The following SHISA9 variants were observed in gnomAD, a reference collection of about 807,000 sequenced individuals.
The protein encoded by SHISA9 is shisa family member 9.
In SHISA9, 13 loss-of-function variants were observed where a neutral mutation model predicts 38.0. The ratio of observed to expected loss-of-function variants is 0.34; its 90% CI spans 0.22 to 0.54. The LOEUF is 0.54. Ranked by LOEUF, SHISA9 falls within the 20% of genes least tolerant of loss-of-function variation. The pLI is 0.91. For synonymous variants in SHISA9, 275 were observed against 242.0 expected, an observed-to-expected ratio of 1.14 and a Z score of -1.27; for missense variants, 538 against 575.8, an observed-to-expected ratio of 0.93 and a Z score of 0.67.
At chr16:13,268,451 G>T in the SHISA9 span, among the ~76,000 whole-genome samples, 1 of 152,174 alleles carries the variant, frequency 6.6e-6, no homozygotes, top group South Asian at 2.1e-4. Flanking sequence ...AGAGGTTGCA[G>T]TGGGCCAAGA....
At chr16:13,248,591 T>C in the SHISA9 span, among the ~76,000 whole-genome samples, 1 of 152,176 alleles carries the variant, frequency 6.6e-6, no homozygotes, top group African/African-American at 2.4e-5. Context: ...ATACCAACCT[T>C]GTCGTGTTGT....
At chr16:13,253,217 C>G in the SHISA9 span, among the ~76,000 whole-genome samples, 4 of 152,234 alleles carry the variant, frequency 2.6e-5, no homozygotes, top group South Asian at 8.3e-4. Flanking sequence ...TAGGCTACTA[C>G]TAGTTAAATT....
At chr16:13,024,241 C>T (rs370895917) in intron 2 of SHISA9, among the ~76,000 whole-genome samples, 2 of 152,340 alleles carry the variant, frequency 1.3e-5, no homozygotes, top group South Asian at 2.1e-4. Context: ...GAAGCATTTG[C>T]ATGGCCTCTT....
chr16:13,481,756 AC>A, the SHISA9 span, among the ~76,000 whole-genome samples: 1 of 152,244 alleles, frequency 6.6e-6, no homozygotes, highest in African/African-American at 2.4e-5. Context: ...GGTCATTGCC[AC>A]AGTGATGAGG....
chr16:13,469,100 G>A, the SHISA9 span, among the ~76,000 whole-genome samples: 64 of 151,298 alleles, frequency 4.2e-4, no homozygotes, highest in Non-Finnish European at 5.7e-4. Context: ...AAATTAGCCA[G>A]GCGTGATGGT....
intron 2 of SHISA9, among the ~76,000 whole-genome samples, chr16:12,952,826 C>G (rs1421644034): frequency 6.6e-6 from 1 of 152,134 alleles, no homozygotes; most frequent in Non-Finnish European, 1.5e-5. Context: ...CATAAATTAC[C>G]CAGTCTCAGG....
chr16:13,223,322 C>T (rs541297856), intron 4 of SHISA9, among the ~76,000 whole-genome samples: 4 of 152,030 alleles, frequency 2.6e-5, no homozygotes, highest in South Asian at 2.1e-4. Context: ...CCTAGATTCT[C>T]GGGAGGCTGA....
At chr16:13,487,746 T>C in the SHISA9 span, among the ~76,000 whole-genome samples, 1 of 152,354 alleles carries the variant, frequency 6.6e-6, no homozygotes, top group South Asian at 2.1e-4. Context: ...TGCATTGTTT[T>C]TAAGTTTCCA....
intron 2 of SHISA9, among the ~76,000 whole-genome samples, chr16:13,104,072 C>A (rs1428532781): frequency 6.6e-6 from 1 of 152,174 alleles, no homozygotes; most frequent in Non-Finnish European, 1.5e-5. Flanking sequence ...GATCCAACCT[C>A]ATTTCTTTCT....
At chr16:13,049,183 T>C (rs1343689161) in intron 2 of SHISA9, among the ~76,000 whole-genome samples, 1 of 151,516 alleles carries the variant, frequency 6.6e-6, no homozygotes, top group Non-Finnish European at 1.5e-5. Flanking sequence ...TGTGTGTGTG[T>C]GTGTGTGTGT....
chr16:13,235,533 C>A lies in SHISA9; in HGVS notation c.*124C>A, dbSNP rs1057338489. On this transcript the variant is annotated 3_prime_UTR_variant, in exon 5 of 5. Coordinates refer to ENST00000558583, the MANE Select transcript of SHISA9 (RefSeq NM_001145204.3). The stretch of plus-strand genomic sequence containing the variant: ...CCACACACTCACTCTCAACAAGAAC[C>A]AACTCTAAACCTACTGGGGACACAG... 5.8e-5 allele frequency: 70 copies of A among 1,210,510 alleles called. No homozygotes were observed. Among genetic ancestry groups the A allele is most frequent in the Non-Finnish European group, 6.6e-5 (59 of 893,670 alleles). The allele number at this position is 1,210,510 out of a possible 1,614,324, so 75.0% of individuals were successfully genotyped here.
At chr16:13,004,413 G>A (rs545061943) in intron 2 of SHISA9, among the ~76,000 whole-genome samples, 15 of 152,312 alleles carry the variant, frequency 9.8e-5, no homozygotes, top group African/African-American at 2.9e-4. Flanking sequence ...GGACAGTATC[G>A]GTTCATGCTC....
the SHISA9 span, among the ~76,000 whole-genome samples, chr16:13,438,932 G>T: frequency 6.6e-6 from 1 of 152,148 alleles, no homozygotes; most frequent in Non-Finnish European, 1.5e-5. Context: ...GACCCTAAAA[G>T]AAAGCAAGGG....
intron 2 of SHISA9, among the ~76,000 whole-genome samples, chr16:13,072,351 G>A (rs759383929): frequency 3.3e-5 from 5 of 152,214 alleles, no homozygotes; most frequent in African/African-American, 9.6e-5. Flanking sequence ...AGACATGGCC[G>A]GTGGGGCAGT....
chr16:13,466,450 T>C, the SHISA9 span, among the ~76,000 whole-genome samples: 1 of 152,150 alleles, frequency 6.6e-6, no homozygotes, highest in Non-Finnish European at 1.5e-5. Context: ...CAGGTAGGAC[T>C]ACAAATGGCC....
At chr16:13,432,047 T>C in the SHISA9 span, among the ~76,000 whole-genome samples, 14 of 152,070 alleles carry the variant, frequency 9.2e-5, no homozygotes, top group Non-Finnish European at 1.8e-4. Context: ...GTTGACAGAG[T>C]GGGACTTCAT....
chr16:13,131,905 G>A (rs1596670183), intron 2 of SHISA9, among the ~76,000 whole-genome samples: 1 of 152,120 alleles, frequency 6.6e-6, no homozygotes, highest in Non-Finnish European at 1.5e-5. Flanking sequence ...GGAAATAGAC[G>A]CTGATCCCGG....
At chr16:12,946,032 T>C (rs2071684331) in intron 2 of SHISA9, among the ~76,000 whole-genome samples, 1 of 152,188 alleles carries the variant, frequency 6.6e-6, no homozygotes, top group Non-Finnish European at 1.5e-5. Context: ...TGCTTGAACC[T>C]GGGAGGGGGA....
At chr16:13,461,727 C>G in the SHISA9 span, among the ~76,000 whole-genome samples, 1 of 149,548 alleles carries the variant, frequency 6.7e-6, no homozygotes, top group Non-Finnish European at 1.5e-5. Flanking sequence ...CATTCTCCTG[C>G]CTCAGCCTCT....
Sources: allele counts gnomAD v4.1 joint callset (sites outside exome capture counted in the v4.1 genomes callset), GRCh38; gene constraint gnomAD v4.1.1; transcripts MANE v1.5; gene names NCBI Gene and HGNC (gene_info 2026-07-23, HGNC 2026-07-21).